KIAA1586: variants seen among roughly 807,000 people sequenced by gnomAD.
KIAA1586 encodes KIAA1586.
A neutral mutation model predicts 6.1 loss-of-function variants in KIAA1586; 5 were observed. The ratio of observed to expected loss-of-function variants is 0.82; its 90% CI spans 0.43 to 1.73. The LOEUF (loss-of-function observed/expected upper bound fraction) is 1.73, where lower values mean the gene tolerates loss of function less well. Ranked by LOEUF, KIAA1586 falls within the 40% of genes most tolerant of loss-of-function variation. The pLI is 0.02. For missense variants in KIAA1586, 899 were observed against 878.2 expected (o/e 1.02, Z -0.30); for synonymous variants, 280 against 301.7 (o/e 0.93, Z 0.75).
intron 2 of KIAA1586, among the ~76,000 whole-genome samples, chr6:57,049,147 T>C (rs911237824): frequency 1.6e-4 from 24 of 152,144 alleles, no homozygotes; most frequent in Non-Finnish European, 3.1e-4. Context: ...GTCAGTGTAA[T>C]TGCAGTACCA....
rs1056933522 is a variant in KIAA1586 at position 57,046,969 on chromosome 6, C to G, written c.21+193C>G. 103 of 720,576 alleles carry G rather than the reference C, an allele frequency of 1.4e-4. 1 individual carries two copies. Among genetic ancestry groups the G allele is most frequent in the Non-Finnish European group, 2.0e-4 (95 of 476,894 alleles). 44.6% of individuals were successfully genotyped at this position (720,576 alleles called of 1,614,324 possible). On this transcript the variant is annotated intron_variant, in intron 1 of 3. Transcript: ENST00000370733. Reference sequence around the variant, plus strand: ...CGCAGCAACAATGGCCGCCCGGCCCCCCGCACGGGCCCTGGCGTTCGTTGT... The same window carrying G: ...CGCAGCAACAATGGCCGCCCGGCCCGCCGCACGGGCCCTGGCGTTCGTTGT...
At chr6:57,057,532 A>G (rs1016745827), downstream of KIAA1586, among the ~76,000 whole-genome samples, 3 of 152,238 alleles carry the variant, frequency 2.0e-5, no homozygotes, top group Admixed American at 2.0e-4. Context: ...AGGCAGGTGG[A>G]TCACCTGAGG....
chr6:57,052,824 G>A lies in KIAA1586; in HGVS notation c.325G>A (p.Glu109Lys), dbSNP rs1357119738. The A allele has an allele frequency of 5.6e-6, 9 of 1,613,404 alleles. No individual in the cohort carries two copies. The highest frequency in any genetic ancestry group is 1.6e-4 in the Middle Eastern group (1 of 6,082). Residue 109 changes from glutamate (E) to lysine (K), a missense_variant, in exon 4 of 4, where the codon GAG (glutamate) becomes AAG (lysine). Transcript: ENST00000370733. Reference sequence around the variant, plus strand: ...GTCTAAGGCAAAGGAACCACATTTCGAGTATATTGAACAACCAATCATTGA... The same window carrying A: ...GTCTAAGGCAAAGGAACCACATTTCAAGTATATTGAACAACCAATCATTGA... ...RLSKAKEPHFEYIEQPIIEEK... is the reference protein window; with the variant it reads ...RLSKAKEPHFKYIEQPIIEEK...
At chr6:57,052,587 A>T in intron 3 of KIAA1586, 99 bp from the exon 4 acceptor site, 1 of 902,030 alleles carries the variant, frequency 1.1e-6, no homozygotes, top group Non-Finnish European at 1.6e-6. Context: ...ATTTAAGTTT[A>T]AAATGTATTT....
chr6:57,050,511 T>C (rs1464298289), intron 2 of KIAA1586, among the ~76,000 whole-genome samples: 1 of 151,454 alleles, frequency 6.6e-6, no homozygotes, highest in Non-Finnish European at 1.5e-5. Context: ...AGTTGGTGTC[T>C]CACTATGTTG....
the KIAA1586 span, among the ~76,000 whole-genome samples, chr6:57,066,765 C>T: frequency 3.3e-5 from 5 of 152,118 alleles, no homozygotes; most frequent in African/African-American, 1.2e-4. Context: ...GTCTTTCAGC[C>T]TTTCTGTTAA....
downstream of KIAA1586, among the ~76,000 whole-genome samples, chr6:57,059,188 T>C (rs1167221261): frequency 6.6e-6 from 1 of 152,190 alleles, no homozygotes; most frequent in East Asian, 1.9e-4. Context: ...ATTATCACAC[T>C]TAATAACTAT....
chr6:57,049,340 C>T (rs1828262680), intron 2 of KIAA1586, among the ~76,000 whole-genome samples: 1 of 152,096 alleles, frequency 6.6e-6, no homozygotes, highest in Admixed American at 6.5e-5. Flanking sequence ...AGTAAAGATG[C>T]AATGCTGCTG....
rs1344720701 is a variant in KIAA1586 at position 57,046,761 on chromosome 6, A to G, written c.6A>G (p.Gly2=). 6.2e-7 allele frequency: 1 copy of G among 1,612,452 alleles called. No individual in the cohort carries two copies. Among genetic ancestry groups the G allele is most frequent in the African/African-American group, 1.3e-5 (1 of 74,770 alleles). Residue 2 remains glycine, a synonymous_variant, in exon 1 of 4, where the codon GGA becomes GGG. Coordinates refer to ENST00000370733, the MANE Select transcript of KIAA1586 (RefSeq NM_020931.4). M[G]DPGSEIIESV... ...TCAGCGCGGCCGTCGGAGACATGGG[A>G]GACCCGGGGTCGGAAGTGAGTAGTC... is the stretch of plus-strand genomic sequence containing the variant.
downstream of KIAA1586, among the ~76,000 whole-genome samples, chr6:57,059,226 A>G: frequency 6.6e-6 from 1 of 152,110 alleles, no homozygotes; most frequent in Non-Finnish European, 1.5e-5. Context: ...AATTGATAAT[A>G]TGTTATAAAT....
Position 57,053,629 on chromosome 6 carries a change from A to T in KIAA1586, c.1130A>T (p.Asn377Ile). The change falls in exon 4 of 4, where the codon AAT becomes ATT. Residue 377 changes from asparagine (N) to isoleucine (I), a missense_variant. Asn to Ile is a moderately radical substitution (Grantham distance 149). Coordinates refer to ENST00000370733, the MANE Select transcript of KIAA1586 (RefSeq NM_020931.4). ...ACTTTAAATGATTGTGGTTTTACAA[A>T]TGAATATTTGAAAGCAAATTTAATT... ...LTTLNDCGFT[N>I]EYLKANLIAF... 6.2e-7 allele frequency: 1 copy of T among 1,611,908 alleles called. No homozygotes were observed. The highest frequency in any genetic ancestry group is 2.2e-5 in the East Asian group (1 of 44,828).
chr6:57,052,302 A>C (rs112783984), intron 3 of KIAA1586, among the ~76,000 whole-genome samples: 1,918 of 152,332 alleles, frequency 0.013, 47 homozygotes, highest in African/African-American at 0.044. Context: ...TCTAGAAATG[A>C]CCTCAAGTAT....
rs147408921 is a variant in KIAA1586, at chr6:57,053,515, A to G, written c.1016A>G (p.Gln339Arg). The change falls in exon 4 of 4, where the codon CAG becomes CGG. Residue 339 changes from glutamine to arginine, a missense_variant. Coordinates refer to ENST00000370733, the MANE Select transcript of KIAA1586 (RefSeq NM_020931.4). ...GTGATTTATCTCCAGTGCACAATTC[A>G]GTCAGCTCCTGCACCTGTTATGTTA... ...TLVIYLQCTI[Q>R]SAPAPVMLFV... 3 of 1,613,618 alleles carry G rather than the reference A, an allele frequency of 1.9e-6. No homozygotes were observed. The highest frequency in any genetic ancestry group is 2.2e-5 in the East Asian group (1 of 44,848).
intron 3 of KIAA1586, among the ~76,000 whole-genome samples, chr6:57,051,304 T>C (rs1828319250): frequency 6.6e-6 from 1 of 151,684 alleles, no homozygotes. Context: ...TAACAGTTAT[T>C]ACAAATTAAA....
In KIAA1586 at chr6:57,046,717, A is replaced by G. The variant is rs1305530445; in HGVS notation, c.-39A>G. ...TGGTGGCGGCTGCGGCAGTAGGGAC[A>G]GCAGGAGCAGTGGTGCTGTCAGCGC... On this transcript the variant is annotated 5_prime_UTR_variant, in exon 1 of 4. Transcript: ENST00000370733. 1.2e-6 allele frequency: 2 copies of G among 1,611,610 alleles called. No individual in the cohort carries two copies. Among genetic ancestry groups the G allele is most frequent in the Admixed American group, 1.7e-5 (1 of 59,840 alleles).
At chr6:57,061,829 C>A in the KIAA1586 span, among the ~76,000 whole-genome samples, 3 of 151,628 alleles carry the variant, frequency 2.0e-5, no homozygotes, top group Non-Finnish European at 2.9e-5. Context: ...ACAATCTTCG[C>A]AATATTTAAA....
the KIAA1586 span, among the ~76,000 whole-genome samples, chr6:57,062,004 T>C: frequency 6.6e-6 from 1 of 151,964 alleles, no homozygotes; most frequent in Non-Finnish European, 1.5e-5. Flanking sequence ...CGATCTTGGC[T>C]TACTGCAACC....
chr6:57,063,033 C>T, the KIAA1586 span, among the ~76,000 whole-genome samples: 5 of 150,884 alleles, frequency 3.3e-5, no homozygotes, highest in South Asian at 2.1e-4. Flanking sequence ...CCAGCCTGGG[C>T]GACAGAGCAA....
the KIAA1586 span, among the ~76,000 whole-genome samples, chr6:57,063,744 G>A: frequency 1.3e-5 from 2 of 152,076 alleles, no homozygotes; most frequent in Non-Finnish European, 2.9e-5. Context: ...GTGAGCCACT[G>A]TGCCTGGCAG....
Sources: gnomAD v4.1 joint callset for allele counts (sites outside exome capture counted in the v4.1 genomes callset) on GRCh38, gnomAD v4.1.1 for gene constraint, MANE v1.5 for transcripts, NCBI Gene and HGNC (gene_info 2026-07-23, HGNC 2026-07-21) for gene names.